Variants in TBC1D10A observed in about 807,000 individuals in gnomAD.
TBC1D10A encodes EBP50-PDX interactor of 64 kDa.
TBC1D10A carries 24 observed loss-of-function variants against 52.9 expected under a neutral mutation model. The ratio of observed to expected loss-of-function variants is 0.45; its 90% CI spans 0.33 to 0.64. The LOEUF is 0.64. Ranked by LOEUF, TBC1D10A falls within the 30% of genes least tolerant of loss-of-function variation. The probability of loss-of-function intolerance (pLI) is 0.02; values close to 1 mark genes in which losing one functional copy is unlikely to be tolerated. For synonymous variants in TBC1D10A, 278 were observed against 282.9 expected (o/e 0.98, Z 0.17); for missense variants, 602 against 687.9 (o/e 0.88, Z 1.40).
intron 1 of TBC1D10A, among the ~76,000 whole-genome samples, chr22:30,310,651 G>GCAC (rs1569162662): frequency 6.6e-6 from 1 of 152,112 alleles, no homozygotes; most frequent in Non-Finnish European, 1.5e-5. Flanking sequence ...TGCGCTGGCC[G>GCAC]TGTACTAGCT....
intron 1 of TBC1D10A, chr22:30,318,564 G>A (rs1601680610): frequency 2.1e-6 from 1 of 468,904 alleles, no homozygotes; most frequent in Non-Finnish European, 4.4e-6. Context: ...TTCAGAGGAA[G>A]GCCACAGCTG....
chr22:30,321,813 C>T (rs889629000), intron 1 of TBC1D10A, among the ~76,000 whole-genome samples: 1 of 152,270 alleles, frequency 6.6e-6, no homozygotes, highest in Admixed American at 6.5e-5. Context: ...GCCAGGAGAC[C>T]TGGTATAAAA....
intron 1 of TBC1D10A, among the ~76,000 whole-genome samples, chr22:30,322,741 G>A (rs11703916): frequency 0.067 from 10,020 of 150,562 alleles, 420 homozygotes; most frequent in Non-Finnish European, 0.091. Context: ...GACTATAGGT[G>A]CATGACACCA....
intron 1 of TBC1D10A, among the ~76,000 whole-genome samples, chr22:30,326,469 T>C (rs1448754401): frequency 7.6e-6 from 1 of 131,450 alleles, no homozygotes; most frequent in Non-Finnish European, 1.6e-5. Context: ...TGTGGGCCCG[T>C]CCGCCCCCTG....
intron 1 of TBC1D10A, among the ~76,000 whole-genome samples, chr22:30,314,278 C>A (rs185887108): frequency 4.6e-5 from 7 of 152,304 alleles, no homozygotes; most frequent in Admixed American, 3.9e-4. Flanking sequence ...GCTTGGAGCT[C>A]AGTGGACTCA....
At chr22:30,318,566 C>A (rs1307096024) in intron 1 of TBC1D10A, 8 of 468,868 alleles carry the variant, frequency 1.7e-5, no homozygotes, top group Admixed American at 1.2e-4. Context: ...CAGAGGAAGG[C>A]CACAGCTGGC....
chr22:30,322,061 C>A (rs759702789), intron 1 of TBC1D10A, among the ~76,000 whole-genome samples: 5 of 150,688 alleles, frequency 3.3e-5, no homozygotes, highest in Non-Finnish European at 7.4e-5. Context: ...CTCATTACAA[C>A]CTCCGCCTCC....
intron 1 of TBC1D10A, among the ~76,000 whole-genome samples, chr22:30,313,252 G>A (rs1387329249): frequency 2.0e-5 from 3 of 152,168 alleles, no homozygotes; most frequent in Admixed American, 1.3e-4. Flanking sequence ...AGCATTTCAT[G>A]AGAAGGCGCG....
At position 30,299,542 on chromosome 22, in the gene TBC1D10A, G is replaced by A. The variant is rs745786664; in HGVS notation, c.319C>T (p.Arg107Trp). The change falls in exon 3 of 9, where the codon CGG becomes TGG. Residue 107 changes from arginine (R) to tryptophan (W), a missense_variant. This residue lies in a region of TBC1D10A where 201 missense variants were observed against 204.4 expected (regional missense o/e 0.98). Coordinates refer to ENST00000215790, the MANE Select transcript of TBC1D10A (RefSeq NM_031937.3). ...MAKKHKKIRLRCQKGIPPSLR... is the reference protein window; with the variant it reads ...MAKKHKKIRLWCQKGIPPSLR... ...GAAGGCGGGATGCCCTTTTGGCACC[G>A]CAGACGAATCTGAAAATCAAAAGGA... The A allele has an allele frequency of 3.1e-6, 5 of 1,613,958 alleles. No individual in the cohort carries two copies. The highest frequency in any genetic ancestry group is 3.4e-6 in the Non-Finnish European group (4 of 1,179,890).
chr22:30,296,216 C>T (rs1930077624), intron 3 of TBC1D10A: 1 of 205,656 alleles, frequency 4.9e-6, no homozygotes, highest in Non-Finnish European at 9.9e-6. Flanking sequence ...CCAGCTGTTC[C>T]CACTTCTCTG....
At position 30,292,680 on chromosome 22, in the gene TBC1D10A, G is replaced by A; in HGVS notation, c.1222C>T (p.Pro408Ser). The change falls in exon 9 of 9, where the codon CCA becomes TCA. Residue 408 changes from proline (P) to serine (S), a missense_variant. By Grantham distance (74) the Pro-to-Ser change is moderately conservative (BLOSUM62 -1). Transcript: ENST00000215790. ...GCATCTAGGGGCAGGCGGATGGATG[G>A]TGAAGGTTGTAGGGCAGGCCGGGGA... ...PGPRPALQPS[P>S]SIRLPLDAPL... is the part of the protein sequence containing the mutation. The A allele has an allele frequency of 1.2e-6, 2 of 1,609,290 alleles. No homozygotes were observed. The highest frequency in any genetic ancestry group is 1.7e-6 in the Non-Finnish European group (2 of 1,177,498).
intron 1 of TBC1D10A, among the ~76,000 whole-genome samples, chr22:30,311,225 A>G (rs1381438846): frequency 6.6e-6 from 1 of 152,192 alleles, no homozygotes; most frequent in Non-Finnish European, 1.5e-5. Flanking sequence ...CAAAGGCAGG[A>G]GAGGGTAGGC....
chr22:30,323,886 ACTT>A (rs1930710684), intron 1 of TBC1D10A, among the ~76,000 whole-genome samples: 1 of 152,100 alleles, frequency 6.6e-6, no homozygotes. Context: ...CAGGAGAATC[ACTT>A]GAACCCGGGA....
intron 2 of TBC1D10A, 172 bp from the exon 3 acceptor site, chr22:30,299,723 T>C (rs1262457473): frequency 5.6e-6 from 3 of 534,814 alleles, no homozygotes; most frequent in African/African-American, 1.9e-5. Context: ...TCCCAGCACT[T>C]TGGGAGGCCG....
intron 1 of TBC1D10A, among the ~76,000 whole-genome samples, chr22:30,308,324 A>ATGCCTGCC (rs141019001): frequency 0.49 from 72,170 of 147,494 alleles, 17,980 homozygotes; most frequent in Middle Eastern, 0.64. Flanking sequence ...GCATGCCTGC[A>ATGCCTGCC]TGCCTGCATG....
chr22:30,305,228 C>G (rs913928277), intron 1 of TBC1D10A, among the ~76,000 whole-genome samples: 1 of 152,222 alleles, frequency 6.6e-6, no homozygotes, highest in South Asian at 2.1e-4. Flanking sequence ...CTTCTTCTAT[C>G]TGTAGATCTA....
Position 30,326,714 on chromosome 22 carries a change from G to A in TBC1D10A, c.168C>T (p.Asp56=), listed in dbSNP as rs779959987. Reference sequence around the variant, plus strand: ...GCGAGCCCACGATGAAGCCGAACTTGTCGATGCGGCGCTCGGCGAAGCCGT... The same window carrying A: ...GCGAGCCCACGATGAAGCCGAACTTATCGATGCGGCGCTCGGCGAAGCCGT... ...EANGFAERRI[D]KFGFIVGSQG... Residue 56 remains aspartate, a synonymous_variant, in exon 1 of 9, where the codon GAC becomes GAT. Transcript: ENST00000215790. 2.6e-6 allele frequency: 4 copies of A among 1,545,934 alleles called. No homozygotes were observed. Among genetic ancestry groups the A allele is most frequent in the Non-Finnish European group, 3.5e-6 (4 of 1,144,420 alleles).
intron 4 of TBC1D10A, among the ~76,000 whole-genome samples, chr22:30,295,455 C>A (rs1032058133): frequency 6.6e-6 from 1 of 152,214 alleles, no homozygotes; most frequent in African/African-American, 2.4e-5. Flanking sequence ...ACCCTCCACT[C>A]ACCCAATTCC....
At position 30,292,584 on chromosome 22, in the gene TBC1D10A, T is replaced by TC. The variant is rs1929970549; in HGVS notation, c.1317dup (p.Lys440GlufsTer65). ...GGCTTCTCCAGCTGCCCTCTCCCCT[T>TC]CATCTGTTTCCGCTGCTCCTTCTGG... On this transcript the variant is annotated frameshift_variant, in exon 9 of 9. Transcript: ENST00000215790. LOFTEE classifies it low-confidence loss of function (END_TRUNC). 6.2e-7 allele frequency: 1 copy of TC among 1,613,704 alleles called. No homozygotes were observed. The highest frequency in any genetic ancestry group is 8.5e-7 in the Non-Finnish European group (1 of 1,179,914).
Sources: gnomAD v4.1 joint callset for allele counts (sites outside exome capture counted in the v4.1 genomes callset) on GRCh38, gnomAD v4.1.1 for gene constraint, gnomAD v4.1.1 regional missense constraint, MANE v1.5 for transcripts, NCBI Gene and HGNC (gene_info 2026-07-23, HGNC 2026-07-21) for gene names.